Variants in SYN3 observed in about 807,000 individuals in gnomAD.
The protein encoded by SYN3 is synapsin III.
A neutral mutation model predicts 65.8 loss-of-function variants in SYN3; 35 were observed. That is an observed-to-expected ratio of 0.53 (90% CI 0.41 to 0.70). The LOEUF is 0.70. Among genes scored for constraint, SYN3 ranks in the 30% least tolerant of loss-of-function variants. The pLI is 0.00. For synonymous variants in SYN3, 270 were observed against 292.9 expected (o/e 0.92, Z 0.80); for missense variants, 680 against 749.0 (o/e 0.91, Z 1.08).
At chr22:32,637,675 T>C (rs1424121063) in intron 6 of SYN3, among the ~76,000 whole-genome samples, 1 of 141,014 alleles carries the variant, frequency 7.1e-6, no homozygotes, top group African/African-American at 2.7e-5. Flanking sequence ...TCTCATTCTG[T>C]CGCCCAGACT....
At chr22:32,590,245 A>C (rs73154335) in intron 7 of SYN3, among the ~76,000 whole-genome samples, 9,569 of 152,294 alleles carry the variant, frequency 0.063, 359 homozygotes, top group Non-Finnish European at 0.083. Context: ...ATATGAGTTA[A>C]TGCTATAGTT....
intron 6 of SYN3, among the ~76,000 whole-genome samples, chr22:32,796,803 T>C (rs1227728879): frequency 1.3e-5 from 2 of 152,034 alleles, no homozygotes; most frequent in Non-Finnish European, 2.9e-5. Context: ...CTTCTCCAGG[T>C]TGAATTTCCA....
chr22:32,920,013 G>A (rs2050293897), intron 4 of SYN3, among the ~76,000 whole-genome samples: 1 of 152,180 alleles, frequency 6.6e-6, no homozygotes. Flanking sequence ...GTAAGCCTGG[G>A]TGGGAGCTGG....
chr22:32,835,753 C>G (rs77714555), intron 6 of SYN3, among the ~76,000 whole-genome samples: 1 of 152,218 alleles, frequency 6.6e-6, no homozygotes, highest in Non-Finnish European at 1.5e-5. Context: ...TACTGGACTT[C>G]TCTCTTCCTG....
chr22:32,660,983 T>C (rs1037787719), intron 6 of SYN3, among the ~76,000 whole-genome samples: 14 of 152,226 alleles, frequency 9.2e-5, no homozygotes, highest in African/African-American at 3.1e-4. Flanking sequence ...GAGACATGGC[T>C]GGGATCAACT....
intron 1 of SYN3, among the ~76,000 whole-genome samples, chr22:33,009,197 C>T (rs2145814363): frequency 6.6e-6 from 1 of 152,162 alleles, no homozygotes; most frequent in East Asian, 1.9e-4. Context: ...AAATAAGAAA[C>T]TGTCAAAAAG....
intron 6 of SYN3, among the ~76,000 whole-genome samples, chr22:32,821,743 C>T (rs1168514171): frequency 6.6e-6 from 1 of 152,196 alleles, no homozygotes; most frequent in African/African-American, 2.4e-5. Flanking sequence ...CACTGTCCCA[C>T]GTAGCTCCTC....
chr22:32,564,953 CT>C (rs2058646463), intron 7 of SYN3, among the ~76,000 whole-genome samples: 1 of 91,466 alleles, frequency 1.1e-5, no homozygotes, highest in Admixed American at 1.2e-4. Context: ...AACAGTGCTC[CT>C]GGACTGCACC....
rs1298342831 is a variant in SYN3, at chr22:32,931,587, C to T, written c.370-106G>A. ...AGGTACAAAGTACACCTTTAAAGCT[C>T]CCCTCAAACTTAGGAAGTTGCCGAT... On this transcript the variant is annotated intron_variant, in intron 3 of 13. Coordinates refer to ENST00000358763, the MANE Select transcript of SYN3 (RefSeq NM_003490.4). The T allele has an allele frequency of 5.5e-6, 4 of 730,092 alleles. No homozygotes were observed. The East Asian group carries it at 7.8e-5, about 14-fold the overall frequency. 45.2% of individuals were successfully genotyped at this position (730,092 alleles called of 1,614,324 possible). A position where few individuals can be genotyped will look rare whatever the true frequency, so the allele number is the denominator to read the frequency against.
chr22:32,780,934 T>TTTCCTTCCTTCCTTCCTTCC (rs71187216), intron 6 of SYN3, among the ~76,000 whole-genome samples: 208 of 82,652 alleles, frequency 2.5e-3, no homozygotes, highest in African/African-American at 0.01. Flanking sequence ...CCTTCCTTCC[T>TTTCCTTCCTTCCTTCCTTCC]TTCCTTCCTT....
intron 6 of SYN3, among the ~76,000 whole-genome samples, chr22:32,619,028 T>C (rs2059558915): frequency 6.6e-6 from 1 of 152,216 alleles, no homozygotes. Flanking sequence ...ACCTCCTCTC[T>C]ATAGAATCTG....
intron 6 of SYN3, among the ~76,000 whole-genome samples, chr22:32,712,776 A>T (rs2060983576): frequency 6.6e-6 from 1 of 152,140 alleles, no homozygotes. Flanking sequence ...TCCTTGAGTC[A>T]AGAAGCTCTG....
intron 3 of SYN3, among the ~76,000 whole-genome samples, chr22:32,952,366 A>T (rs2051317679): frequency 6.6e-6 from 1 of 152,160 alleles, no homozygotes; most frequent in Non-Finnish European, 1.5e-5. Flanking sequence ...AAATAAATAC[A>T]AAAACACAGA....
chr22:32,898,867 C>G (rs2049674009), intron 4 of SYN3, among the ~76,000 whole-genome samples: 1 of 152,126 alleles, frequency 6.6e-6, no homozygotes, highest in Non-Finnish European at 1.5e-5. Context: ...CTTTGGGAGG[C>G]CGAGGCGGGT....
intron 6 of SYN3, among the ~76,000 whole-genome samples, chr22:32,670,139 G>A (rs891335866): frequency 1.3e-5 from 2 of 152,002 alleles, no homozygotes; most frequent in Non-Finnish European, 1.5e-5. Flanking sequence ...ACATCATCAC[G>A]GCTTCTTGGA....
At chr22:32,800,680 C>T (rs1405951400) in intron 6 of SYN3, among the ~76,000 whole-genome samples, 2 of 152,196 alleles carry the variant, frequency 1.3e-5, no homozygotes, top group Non-Finnish European at 2.9e-5. Flanking sequence ...TCAGCTCACC[C>T]CCAAATCCCT....
intron 6 of SYN3, among the ~76,000 whole-genome samples, chr22:32,722,289 G>T (rs558670799): frequency 6.6e-6 from 1 of 152,290 alleles, no homozygotes; most frequent in African/African-American, 2.4e-5. Flanking sequence ...CAACGATGGT[G>T]GCTACCAGCA....
At chr22:32,925,753 T>C (rs563186123) in intron 4 of SYN3, among the ~76,000 whole-genome samples, 15 of 152,040 alleles carry the variant, frequency 9.9e-5, no homozygotes, top group Non-Finnish European at 1.9e-4. Context: ...AATCCCACCC[T>C]CAGAGATTCC....
chr22:32,579,141 T>C (rs559378501), intron 7 of SYN3, among the ~76,000 whole-genome samples: 1 of 152,326 alleles, frequency 6.6e-6, no homozygotes, highest in East Asian at 1.9e-4. Flanking sequence ...AACCCATTGA[T>C]TAAATATAAC....
Sources: allele counts gnomAD v4.1 joint callset (sites outside exome capture counted in the v4.1 genomes callset), GRCh38; gene constraint gnomAD v4.1.1; transcripts MANE v1.5; gene names NCBI Gene and HGNC (gene_info 2026-07-23, HGNC 2026-07-21).